ZNF487: variants seen among roughly 807,000 people sequenced by gnomAD.
ZNF487 encodes zinc finger protein 487, also known as KRAB domain only 1.
In ZNF487, 4 loss-of-function variants were observed where a neutral mutation model predicts 3.0. That is an observed-to-expected ratio of 1.35 (90% CI 0.66 to 3.08). ZNF487 has a LOEUF of 3.08. Among genes scored for constraint, ZNF487 ranks in the 30% most tolerant of loss-of-function variants. The probability of loss-of-function intolerance (pLI) is 0.01; values close to 1 mark genes in which losing one functional copy is unlikely to be tolerated. For missense variants in ZNF487, 146 were observed against 98.7 expected (o/e 1.48, Z -2.03); for synonymous variants, 55 against 34.6 (o/e 1.59, Z -2.06).
intron 1 of ZNF487, among the ~76,000 whole-genome samples, chr10:43,464,240 G>A (rs558014824): frequency 1.3e-5 from 2 of 150,864 alleles, no homozygotes; most frequent in African/African-American, 4.9e-5. Context: ...CTGGAGTGCA[G>A]TGGCATGATC....
the ZNF487 span, among the ~76,000 whole-genome samples, chr10:43,520,721 A>G: frequency 6.6e-6 from 1 of 152,332 alleles, no homozygotes; most frequent in East Asian, 1.9e-4. Flanking sequence ...ATGGGATAAT[A>G]GCTATTTCTT....
At chr10:43,522,756 A>G in the ZNF487 span, among the ~76,000 whole-genome samples, 1 of 152,054 alleles carries the variant, frequency 6.6e-6, no homozygotes, top group Non-Finnish European at 1.5e-5. Context: ...TAAAAAAAAT[A>G]AAAACAAAGA....
At chr10:43,513,468 C>G in the ZNF487 span, among the ~76,000 whole-genome samples, 2 of 152,244 alleles carry the variant, frequency 1.3e-5, no homozygotes, top group African/African-American at 4.8e-5. Flanking sequence ...GTCGTCTGCA[C>G]AGGCTAAATG....
chr10:43,444,273 T>A (rs1260248983), intron 1 of ZNF487, among the ~76,000 whole-genome samples: 1 of 152,158 alleles, frequency 6.6e-6, no homozygotes, highest in African/African-American at 2.4e-5. Flanking sequence ...TTCTGTAACA[T>A]CTAGTCTGGG....
chr10:43,472,119 T>C (rs989590355), intron 1 of ZNF487, among the ~76,000 whole-genome samples: 1 of 152,222 alleles, frequency 6.6e-6, no homozygotes, highest in Non-Finnish European at 1.5e-5. Context: ...GGCCTCTCCC[T>C]TGGCAATGTT....
downstream of ZNF487, among the ~76,000 whole-genome samples, chr10:43,483,782 C>T (rs959462853): frequency 6.6e-6 from 1 of 152,206 alleles, no homozygotes; most frequent in Non-Finnish European, 1.5e-5. Flanking sequence ...CCTGCCTTGG[C>T]CTCCCAAATT....
At chr10:43,454,003 C>G (rs1245765740) in intron 1 of ZNF487, 1 of 152,080 alleles carries the variant, frequency 6.6e-6, no homozygotes, top group South Asian at 2.1e-4. Context: ...TAATGCAATT[C>G]TTTTAATATT....
At chr10:43,478,446 G>A (rs547249749) in intron 3 of ZNF487, among the ~76,000 whole-genome samples, 16 of 152,256 alleles carry the variant, frequency 1.1e-4, no homozygotes, top group South Asian at 1.0e-3. Context: ...CCCGCTACTC[G>A]GGAGGCTGAG....
intron 1 of ZNF487, among the ~76,000 whole-genome samples, chr10:43,448,087 T>A (rs1199436945): frequency 1.3e-5 from 2 of 151,016 alleles, no homozygotes; most frequent in Non-Finnish European, 2.9e-5. Context: ...CCTCCCGGGT[T>A]CACGCTATTC....
the ZNF487 span, among the ~76,000 whole-genome samples, chr10:43,512,631 C>G: frequency 6.6e-6 from 1 of 152,160 alleles, no homozygotes; most frequent in Non-Finnish European, 1.5e-5. Flanking sequence ...GCCAAAGGCT[C>G]CAAACAGCAC....
intron 1 of ZNF487, among the ~76,000 whole-genome samples, chr10:43,440,493 C>G (rs1839559435): frequency 6.6e-6 from 1 of 151,880 alleles, no homozygotes; most frequent in Admixed American, 6.6e-5. Flanking sequence ...CCTATCTGTA[C>G]CAAAAAATAC....
At chr10:43,499,348 A>C in the ZNF487 span, among the ~76,000 whole-genome samples, 168 of 152,352 alleles carry the variant, frequency 1.1e-3, 1 homozygote, top group Middle Eastern at 3.4e-3. Context: ...AATTACAGGA[A>C]GTGAAAATTG....
chr10:43,502,522 TA>T, the ZNF487 span, among the ~76,000 whole-genome samples: 33 of 148,588 alleles, frequency 2.2e-4, no homozygotes, highest in African/African-American at 3.9e-4. Flanking sequence ...TAAAGTATAA[TA>T]AAAAAAAAAG....
Position 43,468,981 on chromosome 10 carries a change from T to C in ZNF487, c.-93-6740T>C, listed in dbSNP as rs1840806249. Among the ~76,000 whole-genome samples the C allele has an allele frequency of 3.5e-5, 3 of 86,908 alleles. No homozygotes were observed. The South Asian group carries it at 1.4e-3, about 41-fold the overall frequency. 57.0% of individuals were successfully genotyped at this position (86,908 alleles called of 152,430 possible). A position where few individuals can be genotyped will look rare whatever the true frequency, so the allele number is the denominator to read the frequency against. On this transcript the variant is annotated intron_variant, in intron 1 of 3. Coordinates refer to ENST00000437590, the MANE Select transcript of ZNF487 (RefSeq NM_001355444.3). ...TCCAGCCTGGGCTACAGAGTGAGACTCTATCTCAAAAAAAAAAAAAAAAAA... is the reference window on the plus strand; with the variant it reads ...TCCAGCCTGGGCTACAGAGTGAGACCCTATCTCAAAAAAAAAAAAAAAAAA...
the ZNF487 span, among the ~76,000 whole-genome samples, chr10:43,520,320 T>TTA: frequency 1.3e-3 from 202 of 152,306 alleles, 1 homozygote; most frequent in African/African-American, 4.6e-3. Context: ...GAGTACTCTT[T>TTA]TACATTTATT....
intron 1 of ZNF487, among the ~76,000 whole-genome samples, chr10:43,446,525 C>T (rs1205522472): frequency 5.5e-5 from 8 of 145,502 alleles, no homozygotes; most frequent in African/African-American, 7.7e-5. Flanking sequence ...GACGGGGTGG[C>T]GGCCGGGTAG....
chr10:43,487,810 C>T (rs949252823), downstream of ZNF487, among the ~76,000 whole-genome samples: 3 of 151,454 alleles, frequency 2.0e-5, no homozygotes, highest in Admixed American at 6.6e-5. Flanking sequence ...TGAGGCCGGG[C>T]GCAGTGGCCC....
At chr10:43,515,295 C>T in the ZNF487 span, among the ~76,000 whole-genome samples, 2 of 152,112 alleles carry the variant, frequency 1.3e-5, no homozygotes, top group Non-Finnish European at 1.5e-5. Flanking sequence ...TAGAAGCAAA[C>T]GGGTGTTGGG....
At chr10:43,447,401 C>G (rs1839853285) in intron 1 of ZNF487, among the ~76,000 whole-genome samples, 1 of 152,056 alleles carries the variant, frequency 6.6e-6, no homozygotes, top group African/African-American at 2.4e-5. Flanking sequence ...GCCACCATGC[C>G]CAGCTAATTT....
Sources: gnomAD v4.1 joint callset for allele counts (sites outside exome capture counted in the v4.1 genomes callset) on GRCh38, gnomAD v4.1.1 for gene constraint, MANE v1.5 for transcripts, NCBI Gene and HGNC (gene_info 2026-07-23, HGNC 2026-07-21) for gene names.